PPP2R5E: variants seen among roughly 807,000 people sequenced by gnomAD.
PPP2R5E encodes serine/threonine-protein phosphatase 2A 56 kDa regulatory subunit epsilon isoform.
A neutral mutation model predicts 65.3 loss-of-function variants in PPP2R5E; 4 were observed. That is an observed-to-expected ratio of 0.06 (90% CI 0.03 to 0.14). The LOEUF is 0.14. Among genes scored for constraint, PPP2R5E ranks in the 10% least tolerant of loss-of-function variants. PPP2R5E has a pLI of 1.00. For synonymous variants in PPP2R5E, 183 were observed against 187.4 expected, an observed-to-expected ratio of 0.98 and a Z score of 0.19; for missense variants, 274 against 556.1, an observed-to-expected ratio of 0.49 and a Z score of 5.10.
chr14:63,435,192 C>G lies in PPP2R5E; in HGVS notation c.355-13098G>C, dbSNP rs537632701. On this transcript the variant is annotated intron_variant, in intron 3 of 13. Transcript: ENST00000337537. ...ATATATAATTGCTAAATTCATTGAA[C>G]GTTCATTGCCTAAGATCTGTTCTTC... Among the ~76,000 whole-genome samples, 3 of 151,906 alleles carry G rather than the reference C, an allele frequency of 2.0e-5. No individual in the cohort carries two copies. The South Asian group carries it at 6.2e-4, about 32-fold the overall frequency.
chr14:63,449,423 A>C (rs140938636), intron 3 of PPP2R5E, among the ~76,000 whole-genome samples: 1 of 152,304 alleles, frequency 6.6e-6, no homozygotes, highest in African/African-American at 2.4e-5. Context: ...CATGTTAGAG[A>C]CTGTTCTAAA....
At chr14:63,471,702 A>C (rs1384141390) in intron 2 of PPP2R5E, among the ~76,000 whole-genome samples, 1 of 152,192 alleles carries the variant, frequency 6.6e-6, no homozygotes, top group South Asian at 2.1e-4. Flanking sequence ...ACACAGCTGG[A>C]AAGGGGGCCC....
At chr14:63,422,242 G>C in intron 3 of PPP2R5E, 148 bp from the exon 4 acceptor site, 1 of 658,882 alleles carries the variant, frequency 1.5e-6, no homozygotes, top group Non-Finnish European at 2.6e-6. Flanking sequence ...TATAGGCTCT[G>C]AGGTGGGGAC....
intron 3 of PPP2R5E, among the ~76,000 whole-genome samples, chr14:63,449,376 T>C (rs903442449): frequency 1.3e-5 from 2 of 152,192 alleles, no homozygotes; most frequent in Non-Finnish European, 2.9e-5. Flanking sequence ...AATAAAATCA[T>C]TGAAATGTAA....
At chr14:63,440,648 T>C (rs1888178750) in intron 3 of PPP2R5E, among the ~76,000 whole-genome samples, 1 of 151,852 alleles carries the variant, frequency 6.6e-6, no homozygotes, top group African/African-American at 2.4e-5. Context: ...TCTAAGAGCA[T>C]GGGTTCTGGG....
intron 11 of PPP2R5E, among the ~76,000 whole-genome samples, chr14:63,388,064 T>C (rs1017721976): frequency 6.6e-6 from 1 of 151,990 alleles, no homozygotes; most frequent in South Asian, 2.1e-4. Context: ...AGACATGGCC[T>C]CTCTTTTCTA....
At chr14:63,423,976 T>C (rs1428577434) in intron 3 of PPP2R5E, among the ~76,000 whole-genome samples, 3 of 151,830 alleles carry the variant, frequency 2.0e-5, no homozygotes, top group African/African-American at 7.3e-5. Flanking sequence ...AACAGAGAAG[T>C]GGCATGATCT....
intron 4 of PPP2R5E, among the ~76,000 whole-genome samples, chr14:63,420,535 T>C (rs530242967): frequency 2.0e-5 from 3 of 152,250 alleles, no homozygotes; most frequent in Admixed American, 6.5e-5. Flanking sequence ...CAGGAATACA[T>C]ATGCATAACA....
rs1226352093 is a variant in PPP2R5E, at chr14:63,374,659, AT to A, written c.*1349del. ...GATATATATATATATATATATATAT[AT>A]ATATATATAAAATACAGCCCTAGAT... On this transcript the variant is annotated 3_prime_UTR_variant, in exon 14 of 14. Transcript: ENST00000337537. 4 of 129,080 alleles carry A rather than the reference AT, an allele frequency of 3.1e-5. No homozygotes were observed. The highest frequency in any genetic ancestry group is 1.4e-4 in the African/African-American group (4 of 29,144). The allele number at this position is 129,080 out of a possible 1,614,324, so 8.0% of individuals were successfully genotyped here.
chr14:63,446,843 AAAAAG>A (rs1423842922), intron 3 of PPP2R5E, among the ~76,000 whole-genome samples: 6 of 151,884 alleles, frequency 4.0e-5, no homozygotes, highest in Non-Finnish European at 5.9e-5. Flanking sequence ...AAAAAAAAAA[AAAAAG>A]AAAAAGAAAA....
chr14:63,478,562 C>T (rs1011766270), intron 2 of PPP2R5E, among the ~76,000 whole-genome samples: 5 of 148,848 alleles, frequency 3.4e-5, no homozygotes, highest in African/African-American at 1.3e-4. Flanking sequence ...TGCAACAGTA[C>T]AGGTAATGCA....
chr14:63,464,738 C>T (rs1295666828), intron 2 of PPP2R5E, among the ~76,000 whole-genome samples: 1 of 152,074 alleles, frequency 6.6e-6, no homozygotes, highest in African/African-American at 2.4e-5. Context: ...AAAATATACT[C>T]TGGCCAGGCA....
intron 5 of PPP2R5E, among the ~76,000 whole-genome samples, chr14:63,411,415 T>C (rs1310422546): frequency 3.3e-5 from 5 of 152,136 alleles, no homozygotes; most frequent in African/African-American, 1.2e-4. Flanking sequence ...ATTATTTTTA[T>C]TTTTATAGTT....
At chr14:63,445,927 T>C (rs1358213644) in intron 3 of PPP2R5E, among the ~76,000 whole-genome samples, 1 of 152,216 alleles carries the variant, frequency 6.6e-6, no homozygotes, top group Non-Finnish European at 1.5e-5. Flanking sequence ...TGTGATGCTG[T>C]CTGATAGCAT....
chr14:63,455,559 G>A (rs73274624), intron 2 of PPP2R5E, among the ~76,000 whole-genome samples: 5,898 of 152,076 alleles, frequency 0.039, 367 homozygotes, highest in African/African-American at 0.13. Flanking sequence ...ATGCCCCCCT[G>A]GATTTAATCG....
Position 63,530,911 on chromosome 14 carries a change from C to G in PPP2R5E, c.157+8618G>C, listed in dbSNP as rs900926810. Among the ~76,000 whole-genome samples, 12 of 152,302 alleles carry G rather than the reference C, an allele frequency of 7.9e-5. No individual in the cohort carries two copies. The Middle Eastern group carries it at 0.01, about 130-fold the overall frequency. ...GGATTACAGGTGTGAGCCACCGCGC[C>G]TGGCCAATTTCTTTTGGCCCACATA... On this transcript the variant is annotated intron_variant, in intron 2 of 13. Coordinates refer to ENST00000337537, the MANE Select transcript of PPP2R5E (RefSeq NM_006246.5).
At chr14:63,468,475 C>G (rs935488764) in intron 2 of PPP2R5E, among the ~76,000 whole-genome samples, 4 of 152,170 alleles carry the variant, frequency 2.6e-5, no homozygotes, top group African/African-American at 9.7e-5. Context: ...GCTATCAGTA[C>G]ATGCATCAGC....
At chr14:63,524,736 C>T (rs1159171593) in intron 2 of PPP2R5E, among the ~76,000 whole-genome samples, 2 of 152,212 alleles carry the variant, frequency 1.3e-5, no homozygotes, top group Non-Finnish European at 2.9e-5. Context: ...GCTCCCCGGC[C>T]TGGCCAGCCT....
chr14:63,539,428 C>T, intron 2 of PPP2R5E, 101 bp downstream of exon 2: 2 of 1,296,534 alleles, frequency 1.5e-6, no homozygotes, highest in Non-Finnish European at 2.1e-6. Flanking sequence ...TATCCCATCC[C>T]TTCAATTTGC....
Sources: gnomAD v4.1 joint callset for allele counts (sites outside exome capture counted in the v4.1 genomes callset) on GRCh38, gnomAD v4.1.1 for gene constraint, MANE v1.5 for transcripts, NCBI Gene and HGNC (gene_info 2026-07-23, HGNC 2026-07-21) for gene names.